SSH1: variants seen among roughly 807,000 people sequenced by gnomAD.
SSH1 encodes slingshot protein phosphatase 1.
A neutral mutation model predicts 79.7 loss-of-function variants in SSH1; 43 were observed. The observed-to-expected ratio is 0.54, with a 90% CI of 0.42 to 0.70. The LOEUF is 0.70. Among genes scored for constraint, SSH1 ranks in the 30% least tolerant of loss-of-function variants. The pLI is 0.00. For synonymous variants in SSH1, 599 were observed against 538.3 expected, an observed-to-expected ratio of 1.11 and a Z score of -1.56; for missense variants, 1,206 against 1,358.8, an observed-to-expected ratio of 0.89 and a Z score of 1.77.
intron 2 of SSH1, among the ~76,000 whole-genome samples, chr12:108,825,394 C>T (rs2038273620): frequency 6.6e-6 from 1 of 152,144 alleles, no homozygotes; most frequent in Non-Finnish European, 1.5e-5. Flanking sequence ...AAGAAAATGC[C>T]ACAGGAACTA....
chr12:108,796,292 C>T (rs1427093303), intron 13 of SSH1, among the ~76,000 whole-genome samples: 1 of 152,218 alleles, frequency 6.6e-6, no homozygotes, highest in East Asian at 1.9e-4. Flanking sequence ...CAGAGAGCCT[C>T]TAGAGTCTCC....
chr12:108,821,844 A>G (rs1486669781), intron 3 of SSH1, among the ~76,000 whole-genome samples: 2 of 152,194 alleles, frequency 1.3e-5, no homozygotes, highest in Non-Finnish European at 2.9e-5. Flanking sequence ...GAGCACTCAG[A>G]TCTAAAATGA....
intron 3 of SSH1, among the ~76,000 whole-genome samples, chr12:108,819,743 C>T (rs566894192): frequency 5.4e-4 from 82 of 152,184 alleles, no homozygotes; most frequent in African/African-American, 8.4e-4. Flanking sequence ...GCAGGAGGAT[C>T]GCTGGAGCCC....
At chr12:108,840,131 C>T (rs1308883163) in intron 2 of SSH1, among the ~76,000 whole-genome samples, 1 of 152,204 alleles carries the variant, frequency 6.6e-6, no homozygotes, top group Admixed American at 6.5e-5. Flanking sequence ...GGCTGGCCAG[C>T]GTGGCTTCCT....
In SSH1 at chr12:108,789,067, C is replaced by T. The variant is rs374196333; in HGVS notation, c.2071G>A (p.Val691Met). Residue 691 changes from valine (V) to methionine (M), a missense_variant, in exon 15 of 15, where the codon GTG (valine) becomes ATG (methionine). Physicochemically the swap from Val to Met is conservative, Grantham distance 21. Coordinates refer to ENST00000326495, the MANE Select transcript of SSH1 (RefSeq NM_018984.4). ...CGGGACCTGCTGGCCAAGTGGGCCA[C>T]AGGGGAGGACGTGATGTGGGGTAGG... ...AFLPHITSSPVAHLASRSRVP... is the reference protein window; with the variant it reads ...AFLPHITSSPMAHLASRSRVP... 23 of 1,611,966 alleles carry T rather than the reference C, an allele frequency of 1.4e-5. No homozygotes were observed. The Middle Eastern group carries it at 6.6e-4, about 46-fold the overall frequency.
rs2036179887 is a variant in SSH1, at chr12:108,783,235, G to C, written c.*4753C>G. ...TGCCTGGCCTGCAGGAACCGCCAGT[G>C]TTGTTTCTAGCAAGGCTCCTTGGAA... On this transcript the variant is annotated 3_prime_UTR_variant, in exon 15 of 15. Transcript: ENST00000326495. 1 of 152,272 alleles carries C rather than the reference G, an allele frequency of 6.6e-6. No homozygotes were observed. Among genetic ancestry groups the C allele is most frequent in the Admixed American group, 6.5e-5 (1 of 15,288 alleles). The allele number at this position is 152,272 out of a possible 1,614,324, so 9.4% of individuals were successfully genotyped here.
intron 2 of SSH1, among the ~76,000 whole-genome samples, chr12:108,829,714 A>G (rs1593106274): frequency 6.6e-6 from 1 of 152,194 alleles, no homozygotes; most frequent in Non-Finnish European, 1.5e-5. Context: ...GAAACAACCT[A>G]TCAAACTCCT....
intron 4 of SSH1, among the ~76,000 whole-genome samples, chr12:108,817,700 GT>G (rs773267046): frequency 3.9e-5 from 6 of 152,216 alleles, no homozygotes; most frequent in Non-Finnish European, 8.8e-5. Context: ...CAAGAAATCA[GT>G]GAACACATGA....
chr12:108,844,811 C>T (rs1455118679), intron 2 of SSH1, among the ~76,000 whole-genome samples: 1 of 152,158 alleles, frequency 6.6e-6, no homozygotes, highest in African/African-American at 2.4e-5. Flanking sequence ...TCCACAGCTG[C>T]AAGAAAATGA....
chr12:108,799,015 C>T lies in SSH1; in HGVS notation c.1334G>A (p.Gly445Asp). 1 of 1,613,446 alleles carries T rather than the reference C, an allele frequency of 6.2e-7. No individual in the cohort carries two copies. The change falls in exon 13 of 15, where the codon GGC becomes GAC. Residue 445 changes from glycine to aspartate, a missense_variant. This residue lies in a region of SSH1 where 166 missense variants were observed against 262.9 expected (regional missense o/e 0.63). Transcript: ENST00000326495. ...GFMRQLSEYE[G>D]ILDASKQRHN... ...AGGCACCCACCTTGCATCCAAGATG[C>T]CTTCATACTCAGACAGCTGCCTCAT...
At position 108,784,907 on chromosome 12, in the gene SSH1, C is replaced by G. The variant is rs2036229284; in HGVS notation, c.*3081G>C. On this transcript the variant is annotated 3_prime_UTR_variant, in exon 15 of 15. Coordinates refer to ENST00000326495, the MANE Select transcript of SSH1 (RefSeq NM_018984.4). The stretch of plus-strand genomic sequence containing the variant: ...AATGATAGTCATAAAAAACCAGTGA[C>G]TTGCACAGCACAGACCCCTGCCTCC... 1.3e-5 allele frequency: 2 copies of G among 152,242 alleles called. No individual in the cohort carries two copies. The highest frequency in any genetic ancestry group is 6.5e-5 in the Admixed American group (1 of 15,290). 9.4% of individuals were successfully genotyped at this position (152,242 alleles called of 1,614,324 possible).
intron 1 of SSH1, among the ~76,000 whole-genome samples, chr12:108,855,444 T>C (rs542823152): frequency 3.9e-5 from 6 of 152,334 alleles, no homozygotes; most frequent in African/African-American, 1.4e-4. Flanking sequence ...CAATCTCATG[T>C]ATATACTAAA....
chr12:108,787,734 T>C lies in SSH1; in HGVS notation c.*254A>G. ...AACATGGTTCTTCTTGAAGACACGG[T>C]GGGAGCGGAGTTTTGTGTCTCCTGG... On this transcript the variant is annotated 3_prime_UTR_variant, in exon 15 of 15. Transcript: ENST00000326495. The C allele has an allele frequency of 1.3e-5, 7 of 547,666 alleles. No individual in the cohort carries two copies. Among genetic ancestry groups the C allele is most frequent in the South Asian group, 1.2e-4 (6 of 48,516 alleles). 33.9% of individuals were successfully genotyped at this position (547,666 alleles called of 1,614,324 possible). A position where few individuals can be genotyped will look rare whatever the true frequency, so the allele number is the denominator to read the frequency against.
chr12:108,801,511 T>C (rs1214743224), intron 11 of SSH1, among the ~76,000 whole-genome samples: 1 of 152,156 alleles, frequency 6.6e-6, no homozygotes, highest in Non-Finnish European at 1.5e-5. Context: ...TTAGACATGC[T>C]TAAAAAAATA....
intron 2 of SSH1, among the ~76,000 whole-genome samples, chr12:108,839,661 CT>C (rs1330523231): frequency 6.6e-6 from 1 of 151,916 alleles, no homozygotes; most frequent in African/African-American, 2.4e-5. Context: ...CTAAAAATAG[CT>C]TCAAAAGTAA....
chr12:108,810,411 A>G (rs2037520613), intron 6 of SSH1, among the ~76,000 whole-genome samples: 1 of 152,034 alleles, frequency 6.6e-6, no homozygotes, highest in Non-Finnish European at 1.5e-5. Context: ...AATCCCAGCT[A>G]TTCGGGAGGC....
chr12:108,806,125 T>C (rs916551393), intron 9 of SSH1, among the ~76,000 whole-genome samples, 176 bp downstream of exon 9: 3 of 152,146 alleles, frequency 2.0e-5, no homozygotes, highest in African/African-American at 7.2e-5. Flanking sequence ...AACTGGAGTC[T>C]GACTCCGAGG....
intron 2 of SSH1, among the ~76,000 whole-genome samples, chr12:108,835,440 C>T (rs1310616113): frequency 6.6e-6 from 1 of 152,038 alleles, no homozygotes; most frequent in Non-Finnish European, 1.5e-5. Flanking sequence ...AACAAAAAAA[C>T]AGAAAACAAA....
In SSH1 at chr12:108,823,279, G is replaced by C; in HGVS notation, c.193C>G (p.Gln65Glu). Residue 65 changes from glutamine to glutamate, a missense_variant, in exon 3 of 15, where the codon CAG becomes GAG. Coordinates refer to ENST00000326495, the MANE Select transcript of SSH1 (RefSeq NM_018984.4). ...TCACCTGCATGCTTGTGGGGGTGCT[G>C]AAGACTCCGCTGGCCTTGAGGGCTG... is the stretch of plus-strand genomic sequence containing the variant. ...GSSPQGQRSL[Q>E]HPHKHAGDLP... The C allele has an allele frequency of 6.3e-7, 1 of 1,588,286 alleles. No homozygotes were observed. Among genetic ancestry groups the C allele is most frequent in the Non-Finnish European group, 8.6e-7 (1 of 1,166,154 alleles).
Sources: allele counts gnomAD v4.1 joint callset (sites outside exome capture counted in the v4.1 genomes callset), GRCh38; gene constraint gnomAD v4.1.1; regional missense constraint gnomAD v4.1.1; transcripts MANE v1.5; gene names NCBI Gene and HGNC (gene_info 2026-07-23, HGNC 2026-07-21).